YWHAG: variants seen among roughly 807,000 people sequenced by gnomAD.
YWHAG encodes tyrosine 3-monooxygenase/tryptophan 5-monooxygenase activation protein gamma.
In YWHAG, 1 loss-of-function variant was observed where a neutral mutation model predicts 23.3. That is an observed-to-expected ratio of 0.04 (90% confidence interval 0.02 to 0.20). YWHAG has a LOEUF of 0.20. Ranked by LOEUF, YWHAG falls within the 10% of genes least tolerant of loss-of-function variation. YWHAG has a pLI of 1.00. For missense variants in YWHAG, 151 were observed against 338.6 expected, an observed-to-expected ratio of 0.45 and a Z score of 4.35; for synonymous variants, 160 against 144.0, an observed-to-expected ratio of 1.11 and a Z score of -0.80.
At position 76,329,468 on chromosome 7, in the gene YWHAG, T is replaced by A; in HGVS notation, c.*109A>T. 3 of 1,307,654 alleles carry A rather than the reference T, an allele frequency of 2.3e-6. No individual in the cohort carries two copies. The highest frequency in any genetic ancestry group is 3.1e-6 in the Non-Finnish European group (3 of 976,358). 81.0% of individuals were successfully genotyped at this position (1,307,654 alleles called of 1,614,324 possible). A position where few individuals can be genotyped will look rare whatever the true frequency, so the allele number is the denominator to read the frequency against. ...ACAGGACAGGTCGTGGGTTTCTCCC[T>A]GGGAAGGTCATCCCTCCCTTTCCCT... On this transcript the variant is annotated 3_prime_UTR_variant, in exon 2 of 2. Coordinates refer to ENST00000307630, the MANE Select transcript of YWHAG (RefSeq NM_012479.4). The surrounding 1 kb of genome is among the most constrained non-coding windows in gnomAD (Gnocchi z 6.1).
At position 76,358,840 on chromosome 7, in the gene YWHAG, G is replaced by A. The variant is rs200626712; in HGVS notation, c.-32C>T. 23 of 1,575,250 alleles carry A rather than the reference G, an allele frequency of 1.5e-5. No individual in the cohort carries two copies. The highest frequency in any genetic ancestry group is 2.0e-5 in the Non-Finnish European group (23 of 1,161,204). ...GGGGCTGGGTCTGGCCGGAGAAGGA[G>A]GAGGACACTGGGGCGGCCTGAAGGG... On this transcript the variant is annotated 5_prime_UTR_variant, in exon 1 of 2. Coordinates refer to ENST00000307630, the MANE Select transcript of YWHAG (RefSeq NM_012479.4).
intron 1 of YWHAG, among the ~76,000 whole-genome samples, chr7:76,357,669 T>C (rs1215215987): frequency 6.6e-6 from 1 of 152,178 alleles, no homozygotes; most frequent in African/African-American, 2.4e-5. Flanking sequence ...AAGCCTCAGA[T>C]GCATCTAACA....
intron 1 of YWHAG, among the ~76,000 whole-genome samples, chr7:76,357,064 TAA>T (rs1303405288): frequency 6.6e-6 from 1 of 151,986 alleles, no homozygotes; most frequent in East Asian, 1.9e-4. Context: ...GGAAAAATTA[TAA>T]GAGTCTAAAT....
At position 76,349,322 on chromosome 7, in the gene YWHAG, G is replaced by A. The variant is rs370716128; in HGVS notation, c.87+9400C>T. Among the ~76,000 whole-genome samples the A allele has an allele frequency of 1.6e-3, 229 of 143,520 alleles. 1 individual carries two copies. The highest frequency in any genetic ancestry group is 5.7e-3 in the African/African-American group (220 of 38,908). The allele number at this position is 143,520 out of a possible 152,430, so 94.2% of individuals were successfully genotyped here. On this transcript the variant is annotated intron_variant, in intron 1 of 1. Transcript: ENST00000307630. ...CCACTGCACTCCAGCCTGGGCGACA[G>A]AGCAGACTCTGTCTCAAAAAAAAAA...
chr7:76,356,998 T>A (rs570236950), intron 1 of YWHAG, among the ~76,000 whole-genome samples: 1 of 152,244 alleles, frequency 6.6e-6, no homozygotes, highest in African/African-American at 2.4e-5. Flanking sequence ...TTGCTATGGA[T>A]ATAGGTGCGA....
intron 1 of YWHAG, among the ~76,000 whole-genome samples, chr7:76,339,999 G>A (rs989178507): frequency 1.5e-4 from 23 of 152,126 alleles, no homozygotes; most frequent in Non-Finnish European, 4.4e-5. Flanking sequence ...TGAGACAGGA[G>A]AATTGCTTGA....
chr7:76,354,285 C>T (rs1583995395), intron 1 of YWHAG, among the ~76,000 whole-genome samples: 1 of 151,972 alleles, frequency 6.6e-6, no homozygotes, highest in East Asian at 1.9e-4. Context: ...CTGAGGTGGG[C>T]AGATCACCTG....
Position 76,329,989 on chromosome 7 carries a change from T to C in YWHAG, c.332A>G (p.Asn111Ser). 1.9e-6 allele frequency: 3 copies of C among 1,614,182 alleles called. No individual in the cohort carries two copies. The highest frequency in any genetic ancestry group is 2.5e-6 in the Non-Finnish European group (3 of 1,180,024). Residue 111 changes from asparagine to serine, a missense_variant, in exon 2 of 2, where the codon AAT (asparagine) becomes AGT (serine). By Grantham distance (46) the Asn-to-Ser change is conservative. Transcript: ENST00000307630. This position sits in a 1 kb window ranked among gnomAD's most constrained non-coding sequence, Gnocchi z 6.1. ...LSLLDNYLIK[N>S]CSETQYESKV... is the part of the protein sequence containing the mutation. ...GCTCTCGTACTGGGTCTCGCTGCAATTCTTGATCAGGTAGTTATCCAGCAG... is the reference window on the plus strand; with the variant it reads ...GCTCTCGTACTGGGTCTCGCTGCAACTCTTGATCAGGTAGTTATCCAGCAG...
At chr7:76,334,210 G>A (rs1803585213) in intron 1 of YWHAG, among the ~76,000 whole-genome samples, 1 of 152,122 alleles carries the variant, frequency 6.6e-6, no homozygotes, top group Non-Finnish European at 1.5e-5. Flanking sequence ...ATAATTACTT[G>A]CATAAGAATC....
chr7:76,327,668 G>GCACCCCCCCCCCC lies in YWHAG; in HGVS notation c.*1908_*1909insGGGGGGGGGGGTG, dbSNP rs1803465758. Reference sequence around the variant, plus strand: ...AATTAGGGAAAGCCCCACCTACCCTGCCCCCCCCCCCCTCCCCCCCCAAAT... The same window carrying GCACCCCCCCCCCC: ...AATTAGGGAAAGCCCCACCTACCCTGCACCCCCCCCCCCCCCCCCCCCCCCTCCCCCCCCAAAT... On this transcript the variant is annotated 3_prime_UTR_variant, in exon 2 of 2. Coordinates refer to ENST00000307630, the MANE Select transcript of YWHAG (RefSeq NM_012479.4). 1 of 47,086 alleles carries GCACCCCCCCCCCC rather than the reference G, an allele frequency of 2.1e-5. No individual in the cohort carries two copies. Among genetic ancestry groups the GCACCCCCCCCCCC allele is most frequent in the African/African-American group, 1.3e-4 (1 of 7,866 alleles). 2.9% of individuals were successfully genotyped at this position (47,086 alleles called of 1,614,324 possible). A position where few individuals can be genotyped will look rare whatever the true frequency, so the allele number is the denominator to read the frequency against.
Position 76,329,489 on chromosome 7 carries a change from T to TACC in YWHAG, c.*87_*88insGGT. On this transcript the variant is annotated 3_prime_UTR_variant, in exon 2 of 2. Transcript: ENST00000307630. This position sits in a 1 kb window ranked among gnomAD's most constrained non-coding sequence, Gnocchi z 6.1. ...TCCCTGGGAAGGTCATCCCTCCCTT[T>TACC]CCCTCCCCCACCCGACCCCCAACTC... 2.3e-5 allele frequency: 24 copies of TACC among 1,024,214 alleles called. No individual in the cohort carries two copies. Among genetic ancestry groups the TACC allele is most frequent in the East Asian group, 3.5e-5 (1 of 28,686 alleles). The allele number at this position is 1,024,214 out of a possible 1,614,324, so 63.4% of individuals were successfully genotyped here.
intron 1 of YWHAG, 78 bp from the exon 2 acceptor site, chr7:76,330,311 C>CAG: frequency 6.9e-7 from 1 of 1,440,270 alleles, no homozygotes; most frequent in Admixed American, 2.1e-5. Flanking sequence ...GACACTAGAA[C>CAG]AGAGCTCTGT....
At chr7:76,342,437 A>G (rs1049867985) in intron 1 of YWHAG, among the ~76,000 whole-genome samples, 2 of 152,210 alleles carry the variant, frequency 1.3e-5, no homozygotes, top group Non-Finnish European at 2.9e-5. Context: ...CACTCCTGTG[A>G]GAACTTGGTT....
intron 1 of YWHAG, among the ~76,000 whole-genome samples, chr7:76,341,882 G>A (rs1563665310): frequency 6.6e-6 from 1 of 152,222 alleles, no homozygotes; most frequent in African/African-American, 2.4e-5. Flanking sequence ...CGCATGGTAT[G>A]TAAACTATAT....
At chr7:76,334,178 A>T (rs2115600056) in intron 1 of YWHAG, among the ~76,000 whole-genome samples, 1 of 152,354 alleles carries the variant, frequency 6.6e-6, no homozygotes, top group African/African-American at 2.4e-5. Context: ...AAAATTTTTA[A>T]AAATCCTTTA....
chr7:76,340,097 A>G (rs886484924), intron 1 of YWHAG, among the ~76,000 whole-genome samples: 7 of 152,150 alleles, frequency 4.6e-5, no homozygotes, highest in African/African-American at 1.7e-4. Flanking sequence ...TCAGAAAACA[A>G]AACAAAACAC....
At position 76,330,028 on chromosome 7, in the gene YWHAG, T is replaced by G. The variant is rs1400963948; in HGVS notation, c.293A>C (p.Gln98Pro). The G allele has an allele frequency of 1.2e-6, 2 of 1,614,060 alleles. No homozygotes were observed. The highest frequency in any genetic ancestry group is 2.7e-5 in the African/African-American group (2 of 74,918). Residue 98 changes from glutamine (Q) to proline (P), a missense_variant, in exon 2 of 2, where the codon CAG becomes CCG. By Grantham distance (76) the Gln-to-Pro change is moderately conservative. Transcript: ENST00000307630. Reference sequence around the variant, plus strand: ...GTTATCCAGCAGGCTCAGCACATCCTGGCACACAGCCTCCAACTCCTTCTC... The same window carrying G: ...GTTATCCAGCAGGCTCAGCACATCCGGGCACACAGCCTCCAACTCCTTCTC... Reference protein sequence around the residue: ...KIEKELEAVCQDVLSLLDNYL... With the variant: ...KIEKELEAVCPDVLSLLDNYL...
In YWHAG at chr7:76,327,927, A is replaced by G. The variant is rs1803474982; in HGVS notation, c.*1650T>C. On this transcript the variant is annotated 3_prime_UTR_variant, in exon 2 of 2. Coordinates refer to ENST00000307630, the MANE Select transcript of YWHAG (RefSeq NM_012479.4). ...CACTGTCACCTGTATCCTGTTACAC[A>G]TACTCAGTTCCTAATTGTAAGCTCA... The G allele has an allele frequency of 6.6e-6, 1 of 152,122 alleles. No individual in the cohort carries two copies. The allele number at this position is 152,122 out of a possible 1,614,324, so 9.4% of individuals were successfully genotyped here. A position where few individuals can be genotyped will look rare whatever the true frequency, so the allele number is the denominator to read the frequency against.
At chr7:76,349,827 CT>C (rs1274091020) in intron 1 of YWHAG, among the ~76,000 whole-genome samples, 7 of 152,084 alleles carry the variant, frequency 4.6e-5, no homozygotes, top group African/African-American at 1.7e-4. Context: ...AACCTGGTCT[CT>C]ATTAAAAATG....
Sources: allele counts gnomAD v4.1 joint callset (sites outside exome capture counted in the v4.1 genomes callset), GRCh38; gene constraint gnomAD v4.1.1; non-coding constraint Gnocchi (gnomAD v3.1); transcripts MANE v1.5; gene names NCBI Gene and HGNC (gene_info 2026-07-23, HGNC 2026-07-21).